The following SORCS1 variants were observed in gnomAD, a reference collection of about 807,000 sequenced individuals.
SORCS1 encodes VPS10 domain-containing receptor SorCS1.
Under a neutral mutation model 146.1 loss-of-function variants are expected in SORCS1, and 60 were observed. The observed-to-expected ratio is 0.41, with a 90% CI of 0.33 to 0.51. SORCS1 has a LOEUF of 0.51. SORCS1 is among the 20% of genes least tolerant of loss of function. The pLI is 0.21. For synonymous variants in SORCS1, 637 were observed against 584.0 expected (o/e 1.09, Z -1.31); for missense variants, 1,352 against 1,487.6 (o/e 0.91, Z 1.50).
At chr10:106,609,044 G>C (rs1212036035) in intron 22 of SORCS1, among the ~76,000 whole-genome samples, 1 of 152,178 alleles carries the variant, frequency 6.6e-6, no homozygotes, top group Non-Finnish European at 1.5e-5. Flanking sequence ...CAGAGATCTG[G>C]GTGGTGCATC....
At chr10:106,808,571 C>T (rs552028234) in intron 3 of SORCS1, among the ~76,000 whole-genome samples, 3 of 152,150 alleles carry the variant, frequency 2.0e-5, no homozygotes, top group African/African-American at 4.8e-5. Context: ...GGCGTGATCT[C>T]GGCTCACTGC....
intron 1 of SORCS1, among the ~76,000 whole-genome samples, chr10:107,102,249 T>A (rs1964977287): frequency 6.6e-6 from 1 of 152,196 alleles, no homozygotes; most frequent in African/African-American, 2.4e-5. Flanking sequence ...TTAGACACTG[T>A]GGAGCTGGTT....
chr10:106,711,195 A>G (rs1337407900), intron 6 of SORCS1, among the ~76,000 whole-genome samples: 1 of 152,196 alleles, frequency 6.6e-6, no homozygotes, highest in Non-Finnish European at 1.5e-5. Flanking sequence ...ATTTGTTGGA[A>G]CATGCCACTT....
chr10:107,164,838 C>T (rs1969993861), upstream of SORCS1, among the ~76,000 whole-genome samples: 1 of 146,830 alleles, frequency 6.8e-6, no homozygotes, highest in Non-Finnish European at 1.5e-5. This position sits in a 1 kb window ranked among gnomAD's most constrained non-coding sequence, Gnocchi z 6.8. Context: ...GGACTCCGGG[C>T]GCCGCGTCCC....
At chr10:107,143,800 G>A (rs745856657) in intron 1 of SORCS1, among the ~76,000 whole-genome samples, 3 of 151,792 alleles carry the variant, frequency 2.0e-5, no homozygotes, top group Admixed American at 1.3e-4. Flanking sequence ...CACCACGCCC[G>A]GCCTAATTTT....
At chr10:106,577,861 A>C in intron 25 of SORCS1, 1 of 251,694 alleles carries the variant, frequency 4.0e-6, no homozygotes, top group Non-Finnish European at 7.6e-6. Context: ...TCTCCAAATA[A>C]AAGAAAGTGC....
chr10:107,018,338 C>T (rs1232860658), intron 1 of SORCS1, among the ~76,000 whole-genome samples: 2 of 151,984 alleles, frequency 1.3e-5, no homozygotes, highest in African/African-American at 2.4e-5. Context: ...CCACGCCTGG[C>T]TAATTTTTTT....
At position 106,597,433 on chromosome 10, in the gene SORCS1, G is replaced by T. The variant is rs1365523432; in HGVS notation, c.3183C>A (p.Ile1061=). The T allele has an allele frequency of 3.1e-6, 5 of 1,613,704 alleles. No homozygotes were observed. The African/African-American group carries it at 5.3e-5, about 17-fold the overall frequency. The stretch of plus-strand genomic sequence containing the variant: ...GTACTGAGTTTTGGTTGAGCGTGTG[G>T]ATCAGCAATTCTGATATCTGAAAAA... The part of the protein sequence containing the change: ...DDLEQISELL[I]HTLNQNSVHF... Residue 1061 remains isoleucine, a synonymous_variant, in exon 24 of 26, where the codon ATC becomes ATA. Coordinates refer to ENST00000263054, the MANE Select transcript of SORCS1 (RefSeq NM_052918.5).
At chr10:107,031,988 A>T (rs1958677032) in intron 1 of SORCS1, among the ~76,000 whole-genome samples, 1 of 152,156 alleles carries the variant, frequency 6.6e-6, no homozygotes, top group Non-Finnish European at 1.5e-5. Flanking sequence ...AGAATCCCAG[A>T]CATATGCACA....
rs139278958 is a variant in SORCS1 at position 106,588,546 on chromosome 10, T to C, written c.3265+8805A>G. Among the ~76,000 whole-genome samples the C allele has an allele frequency of 5.7e-3, 863 of 152,168 alleles. 8 individuals carry two copies. The highest frequency in any genetic ancestry group is 0.02 in the African/African-American group (822 of 41,500). ...GAAGAGGCCACCGTCGTAAGCATCA[T>C]TAGCAGAAACTTGCTAAAAATGAAG... On this transcript the variant is annotated intron_variant, in intron 24 of 25. Coordinates refer to ENST00000263054, the MANE Select transcript of SORCS1 (RefSeq NM_052918.5).
chr10:106,624,978 G>T (rs1254531800), intron 19 of SORCS1, among the ~76,000 whole-genome samples: 2 of 152,236 alleles, frequency 1.3e-5, no homozygotes, highest in African/African-American at 4.8e-5. Context: ...GCTGCGTTAA[G>T]TAGGATGCTG....
chr10:107,012,907 A>G (rs1957747688), intron 1 of SORCS1, among the ~76,000 whole-genome samples: 1 of 151,938 alleles, frequency 6.6e-6, no homozygotes, highest in Non-Finnish European at 1.5e-5. Context: ...TAAGCTATGA[A>G]CTCCACTAAG....
In SORCS1 at chr10:106,972,750, A is replaced by G. The variant is rs115360217; in HGVS notation, c.559-16170T>C. ...GAGATGAATTACTATGGGAATAAAG[A>G]GAAGGGGACAATCTCTAGCTAGATG... On this transcript the variant is annotated intron_variant, in intron 1 of 25. Transcript: ENST00000263054. Among the ~76,000 whole-genome samples, 176 of 152,320 alleles carry G rather than the reference A, an allele frequency of 1.2e-3. 1 individual carries two copies. Among genetic ancestry groups the G allele is most frequent in the African/African-American group, 4.1e-3 (170 of 41,584 alleles).
chr10:106,863,796 T>G (rs149307579), intron 2 of SORCS1, among the ~76,000 whole-genome samples: 1 of 151,074 alleles, frequency 6.6e-6, no homozygotes, highest in South Asian at 2.1e-4. Context: ...CAGATTCCCA[T>G]TGCCTTCAGA....
At chr10:106,984,434 T>C (rs1564888149) in intron 1 of SORCS1, among the ~76,000 whole-genome samples, 1 of 148,134 alleles carries the variant, frequency 6.8e-6, no homozygotes, top group East Asian at 2.0e-4. Context: ...TGCTCTGTCA[T>C]CCAGGCTAGA....
intron 2 of SORCS1, among the ~76,000 whole-genome samples, chr10:106,881,081 A>AG (rs1208287539): frequency 6.6e-6 from 1 of 150,442 alleles, no homozygotes; most frequent in Non-Finnish European, 1.5e-5. Flanking sequence ...TGTCTCAAAA[A>AG]AAAAAAAAAA....
intron 2 of SORCS1, among the ~76,000 whole-genome samples, chr10:106,837,724 A>G (rs1041016903): frequency 2.5e-4 from 37 of 150,928 alleles, no homozygotes; most frequent in African/African-American, 9.0e-4. Flanking sequence ...CTGATACCCA[A>G]TCCCTCTCTT....
At chr10:106,851,800 A>T (rs544831628) in intron 2 of SORCS1, among the ~76,000 whole-genome samples, 1 of 152,252 alleles carries the variant, frequency 6.6e-6, no homozygotes, top group Non-Finnish European at 1.5e-5. Context: ...AAGAACTGAC[A>T]TCTTGGCAAT....
intron 1 of SORCS1, among the ~76,000 whole-genome samples, chr10:107,107,583 T>C (rs954189345): frequency 3.9e-5 from 6 of 152,358 alleles, no homozygotes; most frequent in East Asian, 3.9e-4. Flanking sequence ...AATAGTGGAA[T>C]AAGAGCTCAC....
Sources: gnomAD v4.1 joint callset for allele counts (sites outside exome capture counted in the v4.1 genomes callset) on GRCh38, gnomAD v4.1.1 for gene constraint, Gnocchi (gnomAD v3.1) non-coding constraint, MANE v1.5 for transcripts, NCBI Gene and HGNC (gene_info 2026-07-23, HGNC 2026-07-21) for gene names.